Variants in GAN observed in about 807,000 individuals in gnomAD.
GAN encodes the protein epididymis secretory sperm binding protein.
GAN carries 48 observed loss-of-function variants against 71.3 expected under a neutral mutation model. The ratio of observed to expected loss-of-function variants is 0.67; its 90% confidence interval spans 0.53 to 0.86. GAN has a LOEUF of 0.86. Ranked by LOEUF, GAN falls within the 40% of genes least tolerant of loss-of-function variation. The pLI is 0.00. For missense variants in GAN, 928 were observed against 770.1 expected, an observed-to-expected ratio of 1.21 and a Z score of -2.43; for synonymous variants, 386 against 276.8, an observed-to-expected ratio of 1.39 and a Z score of -3.92.
chr16:81,377,852 G>A lies in GAN; in HGVS notation c.*256G>A. The A allele has an allele frequency of 1.9e-6, 1 of 529,556 alleles. No individual in the cohort carries two copies. Among genetic ancestry groups the A allele is most frequent in the Non-Finnish European group, 3.4e-6 (1 of 294,262 alleles). 32.8% of individuals were successfully genotyped at this position (529,556 alleles called of 1,614,324 possible). Reference sequence around the variant, plus strand: ...TAGATGTTGGAGGCTAGGGAGGCTAGTAAATATCAAAAGGAAAAGGGAGTG... The same window carrying A: ...TAGATGTTGGAGGCTAGGGAGGCTAATAAATATCAAAAGGAAAAGGGAGTG... On this transcript the variant is annotated 3_prime_UTR_variant, in exon 11 of 11. Transcript: ENST00000648994.
At chr16:81,365,229 T>G (rs555052773) in intron 8 of GAN, 119 bp downstream of exon 8, 1 of 1,569,414 alleles carries the variant, frequency 6.4e-7, no homozygotes, top group Admixed American at 1.7e-5. Flanking sequence ...GACTTGGCAT[T>G]TCCTGAGAAA....
intron 9 of GAN, among the ~76,000 whole-genome samples, chr16:81,370,317 A>AG (rs1910998804): frequency 6.6e-6 from 1 of 152,206 alleles, no homozygotes; most frequent in South Asian, 2.1e-4. Context: ...CTAGAGGATA[A>AG]AAGATGAACC....
chr16:81,366,716 G>T (rs1292851378), intron 9 of GAN, among the ~76,000 whole-genome samples: 1 of 152,140 alleles, frequency 6.6e-6, no homozygotes, highest in Non-Finnish European at 1.5e-5. Context: ...TTAGAGAGCA[G>T]TTTAGAGAAT....
chr16:81,325,535 T>A (rs1909357050), intron 1 of GAN, among the ~76,000 whole-genome samples: 1 of 152,228 alleles, frequency 6.6e-6, no homozygotes, highest in Admixed American at 6.5e-5. Flanking sequence ...CATTAAAGAC[T>A]AGTACCATAC....
chr16:81,338,646 G>C (rs760303923), intron 1 of GAN, among the ~76,000 whole-genome samples: 12 of 152,194 alleles, frequency 7.9e-5, no homozygotes, highest in Non-Finnish European at 1.8e-4. Flanking sequence ...AGAGATTTAA[G>C]TTGGGAAGTT....
At chr16:81,325,848 AATTAT>A (rs1045117912) in intron 1 of GAN, among the ~76,000 whole-genome samples, 3 of 152,226 alleles carry the variant, frequency 2.0e-5, no homozygotes, top group Admixed American at 2.0e-4. Context: ...TAAACACCTT[AATTAT>A]ATTCTTCTAG....
intron 1 of GAN, among the ~76,000 whole-genome samples, chr16:81,318,412 TAGC>T (rs1470127908): frequency 6.6e-6 from 1 of 152,138 alleles, no homozygotes; most frequent in Admixed American, 6.5e-5. Flanking sequence ...CCTGTAATCC[TAGC>T]ACTGTGAGAG....
rs541755134 is a variant in GAN at position 81,353,152 on chromosome 16, G to A, written c.283-1253G>A. ...TAAAAATACAAAAAATTAGCCGGGC[G>A]AGGTGGCGGGCGCCTGTAGTCCCGG... is the stretch of plus-strand genomic sequence containing the variant. On this transcript the variant is annotated intron_variant, in intron 2 of 10. Coordinates refer to ENST00000648994, the MANE Select transcript of GAN (RefSeq NM_022041.4). Among the ~76,000 whole-genome samples the A allele has an allele frequency of 1.1e-4, 16 of 152,140 alleles. No homozygotes were observed. The South Asian group carries it at 3.3e-3, about 32-fold the overall frequency.
chr16:81,330,089 C>T (rs982814513), intron 1 of GAN, among the ~76,000 whole-genome samples: 2 of 152,236 alleles, frequency 1.3e-5, no homozygotes, highest in Non-Finnish European at 2.9e-5. Context: ...TCTCTGGAAT[C>T]TGCCTTCTCT....
chr16:81,323,097 TC>T (rs1338247333), intron 1 of GAN, among the ~76,000 whole-genome samples: 2 of 152,206 alleles, frequency 1.3e-5, no homozygotes, highest in African/African-American at 4.8e-5. Context: ...TGTATAGTCT[TC>T]CATTTGGTTA....
chr16:81,347,797 GA>G (rs1910169730), intron 1 of GAN, among the ~76,000 whole-genome samples: 1 of 151,994 alleles, frequency 6.6e-6, no homozygotes, highest in Admixed American at 6.6e-5. Context: ...TTTTCTTTCT[GA>G]AAGCTTGTAA....
chr16:81,354,659 A>G lies in GAN; in HGVS notation c.537A>G (p.Lys179=). 2.5e-6 allele frequency: 4 copies of G among 1,613,832 alleles called. No individual in the cohort carries two copies. Among genetic ancestry groups the G allele is most frequent in the Non-Finnish European group, 2.5e-6 (3 of 1,179,662 alleles). The change falls in exon 3 of 11, where the codon AAA becomes AAG. Residue 179 remains lysine, a synonymous_variant. Coordinates refer to ENST00000648994, the MANE Select transcript of GAN (RefSeq NM_022041.4). ...TAGAGCTGAGTCCTCAAAAGCTTAAAGAAGTGATTTCTCTTGAGAAGTTAA... is the reference window on the plus strand; with the variant it reads ...TAGAGCTGAGTCCTCAAAAGCTTAAGGAAGTGATTTCTCTTGAGAAGTTAA... ...EFLELSPQKL[K]EVISLEKLNV...
chr16:81,365,117 G>A lies in GAN; in HGVS notation c.1373+7G>A, dbSNP rs768103525. On this transcript the variant is annotated splice_region_variant and intron_variant, in intron 8 of 10. Transcript: ENST00000648994. Reference sequence around the variant, plus strand: ...GTCCACTAAAAGAGAGGAGGTACGTGGCTGTGGGGTGGACTTTGTAGATTC... The same window carrying A: ...GTCCACTAAAAGAGAGGAGGTACGTAGCTGTGGGGTGGACTTTGTAGATTC... 1.2e-6 allele frequency: 2 copies of A among 1,613,352 alleles called. No individual in the cohort carries two copies. The highest frequency in any genetic ancestry group is 1.7e-6 in the Non-Finnish European group (2 of 1,179,730).
In GAN at chr16:81,377,503, T is replaced by A; in HGVS notation, c.1701T>A (p.Arg567=). 3.1e-6 allele frequency: 5 copies of A among 1,614,106 alleles called. No homozygotes were observed. The South Asian group carries it at 4.4e-5, about 14-fold the overall frequency. The stretch of plus-strand genomic sequence containing the variant: ...CACTCCTTCCATCCGACCTTCGCCG[T>A]ACAGGATGTGCAGCCTTACGCATTG... ...TKPLLPSDLR[R]TGCAALRIAN... The change falls in exon 11 of 11, where the codon CGT becomes CGA. Residue 567 remains arginine, a synonymous_variant. Transcript: ENST00000648994.
rs1490710008 is a variant in GAN, at chr16:81,389,775, C to T, written c.*12179C>T. On this transcript the variant is annotated 3_prime_UTR_variant, in exon 11 of 11. Coordinates refer to ENST00000648994, the MANE Select transcript of GAN (RefSeq NM_022041.4). Reference sequence around the variant, plus strand: ...GCTGCTCTTTGCAGTGGTCCCTGGCCCAGCAGGTGGCCGGCGTGGCTCCTG... The same window carrying T: ...GCTGCTCTTTGCAGTGGTCCCTGGCTCAGCAGGTGGCCGGCGTGGCTCCTG... 6.6e-6 allele frequency: 1 copy of T among 152,198 alleles called. No individual in the cohort carries two copies. The highest frequency in any genetic ancestry group is 1.5e-5 in the Non-Finnish European group (1 of 68,046). The allele number at this position is 152,198 out of a possible 1,614,324, so 9.4% of individuals were successfully genotyped here.
chr16:81,316,581 C>G (rs1426780073), intron 1 of GAN, among the ~76,000 whole-genome samples: 3 of 152,154 alleles, frequency 2.0e-5, no homozygotes, highest in Admixed American at 6.5e-5. Flanking sequence ...GCTGGCAGTT[C>G]CGAGGTTTGA....
chr16:81,374,744 G>C (rs938275388), intron 9 of GAN, among the ~76,000 whole-genome samples: 2 of 152,104 alleles, frequency 1.3e-5, no homozygotes, highest in African/African-American at 4.8e-5. Context: ...ACGACAGGAT[G>C]CCCCAGGCCC....
chr16:81,373,814 C>G (rs1904274583), intron 9 of GAN, among the ~76,000 whole-genome samples: 1 of 152,212 alleles, frequency 6.6e-6, no homozygotes, highest in South Asian at 2.1e-4. Flanking sequence ...GCGATCTCAG[C>G]TCACTGCAAC....
At chr16:81,365,522 G>A in intron 9 of GAN, 44 bp downstream of exon 9, 2 of 1,583,140 alleles carry the variant, frequency 1.3e-6, no homozygotes. Context: ...CTTTTTCTTT[G>A]TGCTTTCAGT....
Sources: gnomAD v4.1 joint callset for allele counts (sites outside exome capture counted in the v4.1 genomes callset) on GRCh38, gnomAD v4.1.1 for gene constraint, MANE v1.5 for transcripts, NCBI Gene and HGNC (gene_info 2026-07-23, HGNC 2026-07-21) for gene names.